Variants in RGS22 observed in about 807,000 individuals in gnomAD.
RGS22 encodes regulator of G-protein signaling 22.
In RGS22, 148 loss-of-function variants were observed where a neutral mutation model predicts 172.9. The ratio of observed to expected loss-of-function variants is 0.86; its 90% CI spans 0.75 to 0.98. RGS22 has a LOEUF of 0.98. Ranked by LOEUF, RGS22 falls within the 50% of genes least tolerant of loss-of-function variation. The pLI, the probability that RGS22 is intolerant of heterozygous loss-of-function variation, is 0.00. For missense variants in RGS22, 1,347 were observed against 1,440.8 expected (o/e 0.93, Z 1.05); for synonymous variants, 458 against 480.2 (o/e 0.95, Z 0.60).
In RGS22 at chr8:100,105,989, G is replaced by A. The variant is rs1046596657; in HGVS notation, c.-68C>T. On this transcript the variant is annotated 5_prime_UTR_variant, in exon 1 of 28. Transcript: ENST00000360863. ...GGGCCCTAGCGCGCGGGTCCAGCGC[G>A]GGTCAGGGCCTGAGCGACGCGGCGA... The A allele has an allele frequency of 2.7e-5, 36 of 1,312,278 alleles. No individual in the cohort carries two copies. The highest frequency in any genetic ancestry group is 3.4e-5 in the Non-Finnish European group (35 of 1,035,096). The allele number at this position is 1,312,278 out of a possible 1,614,324, so 81.3% of individuals were successfully genotyped here. A position where few individuals can be genotyped will look rare whatever the true frequency, so the allele number is the denominator to read the frequency against.
At chr8:99,989,869 T>C (rs1284554628) in intron 20 of RGS22, among the ~76,000 whole-genome samples, 17 of 140,280 alleles carry the variant, frequency 1.2e-4, no homozygotes, top group Admixed American at 6.9e-4. Context: ...GACAGATAGA[T>C]AGATAGATAG....
chr8:99,965,823 G>T (rs903564683), intron 23 of RGS22, among the ~76,000 whole-genome samples: 1 of 151,810 alleles, frequency 6.6e-6, no homozygotes, highest in Non-Finnish European at 1.5e-5. Context: ...ATCTAACTAC[G>T]TTTGCTCTTT....
In RGS22 at chr8:100,052,214, A is replaced by AATATATAAACATAT. The variant is rs1384066554; in HGVS notation, c.1689+587_1689+588insATATGTTTATATAT. 6.9e-3 allele frequency among the ~76,000 whole-genome samples: 901 copies of AATATATAAACATAT among 130,564 alleles called. 48 individuals carry two copies. The highest frequency in any genetic ancestry group is 0.024 in the African/African-American group (779 of 32,390). The allele number at this position is 130,564 out of a possible 152,430, so 85.7% of individuals were successfully genotyped here. ...ATATATAAATATATAAACATATATA[A>AATATATAAACATAT]ATATACACATATATATGTATATTTA... On this transcript the variant is annotated intron_variant, in intron 10 of 27. Transcript: ENST00000360863.
At chr8:99,999,447 A>T in intron 18 of RGS22, 27 bp from the exon 19 acceptor site, 1 of 1,605,324 alleles carries the variant, frequency 6.2e-7, no homozygotes. Flanking sequence ...GGAAACAGAA[A>T]CTATTGTGCT....
At chr8:100,028,072 T>C (rs1281397524) in intron 14 of RGS22, among the ~76,000 whole-genome samples, 1 of 152,080 alleles carries the variant, frequency 6.6e-6, no homozygotes, top group East Asian at 1.9e-4. Flanking sequence ...CCTTGGTAGA[T>C]GTGGGGGGTC....
intron 3 of RGS22, among the ~76,000 whole-genome samples, chr8:100,085,356 C>G (rs1263310918): frequency 6.6e-6 from 1 of 152,110 alleles, no homozygotes; most frequent in Non-Finnish European, 1.5e-5. Context: ...GAAAAAGACA[C>G]AGATCCTGCC....
intron 20 of RGS22, among the ~76,000 whole-genome samples, chr8:99,994,690 A>G (rs1040169360): frequency 6.6e-6 from 1 of 152,230 alleles, no homozygotes; most frequent in South Asian, 2.1e-4. Context: ...CATACTGCCC[A>G]AAGTAATTTA....
chr8:99,962,835 C>T (rs1408637317), intron 25 of RGS22, 50 bp downstream of exon 25: 1 of 1,579,362 alleles, frequency 6.3e-7, no homozygotes, highest in Admixed American at 2.0e-5. Context: ...TAAAATTAAT[C>T]TGTGATAAAA....
At chr8:100,023,082 T>C (rs1817792633) in intron 14 of RGS22, among the ~76,000 whole-genome samples, 2 of 152,164 alleles carry the variant, frequency 1.3e-5, no homozygotes, top group Admixed American at 6.6e-5. Flanking sequence ...ACCAGTATGA[T>C]AATCTATGCT....
At chr8:99,965,466 AGATAAT>A (rs1318323246) in intron 23 of RGS22, 36 bp from the exon 24 acceptor site, 1 of 1,387,252 alleles carries the variant, frequency 7.2e-7, no homozygotes, top group Admixed American at 1.9e-5. Flanking sequence ...TACCCAGAAA[AGATAAT>A]GATATGTTAA....
chr8:100,018,633 A>G (rs957826652), intron 14 of RGS22, among the ~76,000 whole-genome samples: 1 of 152,218 alleles, frequency 6.6e-6, no homozygotes, highest in African/African-American at 2.4e-5. Flanking sequence ...CATTAATTAG[A>G]GACAATATCC....
rs549093606 is a variant in RGS22 at position 100,053,034 on chromosome 8, A to C, written c.1515-58T>G. On this transcript the variant is annotated intron_variant, in intron 9 of 27. Transcript: ENST00000360863. The stretch of plus-strand genomic sequence containing the variant: ...CTAAACAACAAGCCTCAAAAATGAA[A>C]AGCCTACAAAATACATAATAGCTGT... 5 of 1,478,302 alleles carry C rather than the reference A, an allele frequency of 3.4e-6. No homozygotes were observed. The East Asian group carries it at 1.1e-4, about 33-fold the overall frequency. The allele number at this position is 1,478,302 out of a possible 1,614,324, so 91.6% of individuals were successfully genotyped here. A position where few individuals can be genotyped will look rare whatever the true frequency, so the allele number is the denominator to read the frequency against.
rs181990670 is a variant in RGS22 at position 100,065,276 on chromosome 8, G to A, written c.724+891C>T. On this transcript the variant is annotated intron_variant, in intron 7 of 27. Coordinates refer to ENST00000360863, the MANE Select transcript of RGS22 (RefSeq NM_015668.5). ...CCCATGGAACTGAAGGGAGGATGTC[G>A]CACAGAGCGAGGCAGGCATTCCAGC... Among the ~76,000 whole-genome samples the A allele has an allele frequency of 1.3e-3, 203 of 152,264 alleles. 1 individual carries two copies. The highest frequency in any genetic ancestry group is 1.0e-3 in the Non-Finnish European group (69 of 68,006).
At chr8:99,969,333 G>A (rs200701906) in intron 23 of RGS22, among the ~76,000 whole-genome samples, 1 of 152,072 alleles carries the variant, frequency 6.6e-6, no homozygotes, top group South Asian at 2.1e-4. Context: ...ACTGCATCAA[G>A]TAATGTGCAA....
chr8:100,097,769 C>T (rs1284323990), intron 2 of RGS22, among the ~76,000 whole-genome samples: 1 of 152,178 alleles, frequency 6.6e-6, no homozygotes, highest in African/African-American at 2.4e-5. Flanking sequence ...AAGGGACTGA[C>T]CTCGGTTCAC....
intron 14 of RGS22, among the ~76,000 whole-genome samples, chr8:100,013,146 C>A (rs560929407): frequency 6.6e-6 from 1 of 152,022 alleles, no homozygotes; most frequent in East Asian, 1.9e-4. Context: ...TCCACCACCA[C>A]GCCCAGCTAA....
At chr8:100,026,860 G>A (rs1025899804) in intron 14 of RGS22, among the ~76,000 whole-genome samples, 6 of 151,716 alleles carry the variant, frequency 4.0e-5, no homozygotes, top group African/African-American at 1.5e-4. Context: ...AGAAGCCGAT[G>A]ACTTAAAAGT....
At chr8:100,003,150 CTT>C (rs1378502054) in intron 17 of RGS22, 5 of 239,592 alleles carry the variant, frequency 2.1e-5, no homozygotes, top group South Asian at 8.7e-5. Flanking sequence ...TTAAAAATAA[CTT>C]AAGGTATAAC....
intron 14 of RGS22, among the ~76,000 whole-genome samples, chr8:100,034,426 T>G (rs1054568580): frequency 1.3e-4 from 20 of 152,236 alleles, no homozygotes; most frequent in Middle Eastern, 6.8e-3. Context: ...AAGGACCTCT[T>G]CAAGGAGAAC....
Sources: allele counts gnomAD v4.1 joint callset (sites outside exome capture counted in the v4.1 genomes callset), GRCh38; gene constraint gnomAD v4.1.1; transcripts MANE v1.5; gene names NCBI Gene and HGNC (gene_info 2026-07-23, HGNC 2026-07-21).